The following IMMP2L variants were observed in gnomAD, a reference collection of about 807,000 sequenced individuals.
IMMP2L encodes mitochondrial inner membrane protease subunit 2.
Under a neutral mutation model 19.3 loss-of-function variants are expected in IMMP2L, and 18 were observed. The ratio of observed to expected loss-of-function variants is 0.93; its 90% CI spans 0.64 to 1.38. The LOEUF (loss-of-function observed/expected upper bound fraction) is 1.38. Ranked by LOEUF, IMMP2L falls within the 40% of genes most tolerant of loss-of-function variation. The probability of loss-of-function intolerance (pLI) is 0.00; values close to 1 mark genes in which losing one functional copy is unlikely to be tolerated. For synonymous variants in IMMP2L, 76 were observed against 73.0 expected, an observed-to-expected ratio of 1.04 and a Z score of -0.21; for missense variants, 233 against 218.2, an observed-to-expected ratio of 1.07 and a Z score of -0.43.
intron 3 of IMMP2L, among the ~76,000 whole-genome samples, chr7:111,268,487 TAAAAAAAAAAAA>T (rs927826185): frequency 3.2e-5 from 2 of 62,400 alleles, no homozygotes; most frequent in Non-Finnish European, 6.2e-5. Context: ...GTTTATCTAA[TAAAAAAAAAAAA>T]AAAAAAAAAG....
intron 5 of IMMP2L, among the ~76,000 whole-genome samples, chr7:110,848,742 AT>A (rs1805912269): frequency 6.6e-6 from 1 of 152,144 alleles, no homozygotes; most frequent in South Asian, 2.1e-4. Context: ...GAAACAAACT[AT>A]CAAACTATCA....
At chr7:110,670,700 A>C (rs1287848986) in intron 5 of IMMP2L, among the ~76,000 whole-genome samples, 4 of 151,042 alleles carry the variant, frequency 2.6e-5, no homozygotes, top group East Asian at 3.9e-4. Flanking sequence ...AAAAAAAAAA[A>C]AAAACAAAAA....
At chr7:111,389,000 T>C (rs1345892875) in intron 3 of IMMP2L, among the ~76,000 whole-genome samples, 2 of 152,070 alleles carry the variant, frequency 1.3e-5, no homozygotes, top group African/African-American at 2.4e-5. Context: ...TAAAGAGCAA[T>C]CTTAGACCCA....
chr7:111,123,862 A>T lies in IMMP2L; in HGVS notation c.240-160297T>A. 6.2e-7 allele frequency: 1 copy of T among 1,614,014 alleles called. No individual in the cohort carries two copies. Among genetic ancestry groups the T allele is most frequent in the Non-Finnish European group, 8.5e-7 (1 of 1,179,994 alleles). On this transcript the variant is annotated intron_variant, in intron 3 of 5. Coordinates refer to ENST00000405709, the MANE Select transcript of IMMP2L (RefSeq NM_032549.4). This position sits in a 1 kb window ranked among gnomAD's most constrained non-coding sequence, Gnocchi z 6.4. ...GTCTCTGCCAAACCTCAAGGAAATC[A>T]GCATACACAGTAACCCCATCAGGTG...
chr7:110,696,267 T>A (rs940818), intron 5 of IMMP2L, among the ~76,000 whole-genome samples: 34,707 of 152,000 alleles, frequency 0.23, 4,329 homozygotes, highest in Admixed American at 0.28. Context: ...CATGGAGGTT[T>A]CTAAGTAGTG....
At chr7:110,761,953 C>T (rs192629465) in intron 5 of IMMP2L, among the ~76,000 whole-genome samples, 4 of 152,250 alleles carry the variant, frequency 2.6e-5, no homozygotes, top group African/African-American at 7.2e-5. Flanking sequence ...CTGGTCAACA[C>T]GGGGTCCGTA....
chr7:111,411,090 TA>T (rs536367628), intron 3 of IMMP2L, among the ~76,000 whole-genome samples: 3,670 of 78,828 alleles, frequency 0.047, 194 homozygotes, highest in African/African-American at 0.14. Flanking sequence ...ATCAAATTGC[TA>T]AAAAAAAAAA....
At chr7:110,684,302 G>A (rs900262181) in intron 5 of IMMP2L, among the ~76,000 whole-genome samples, 3 of 151,974 alleles carry the variant, frequency 2.0e-5, no homozygotes, top group Admixed American at 6.6e-5. Context: ...ATTCTTTTTC[G>A]TATGTTGATT....
intron 3 of IMMP2L, among the ~76,000 whole-genome samples, chr7:111,200,348 G>A (rs1204191780): frequency 1.3e-5 from 2 of 151,952 alleles, no homozygotes; most frequent in East Asian, 3.9e-4. Flanking sequence ...TAACTTGTTG[G>A]ATCTTTAATC....
intron 3 of IMMP2L, among the ~76,000 whole-genome samples, chr7:111,066,318 T>C (rs1586051651): frequency 6.6e-6 from 1 of 152,062 alleles, no homozygotes; most frequent in Non-Finnish European, 1.5e-5. Context: ...ACCACATCTG[T>C]ACCAGGAAAA....
chr7:111,466,548 A>C (rs1467556592), intron 3 of IMMP2L, among the ~76,000 whole-genome samples: 1 of 152,190 alleles, frequency 6.6e-6, no homozygotes, highest in East Asian at 1.9e-4. Flanking sequence ...AATGAACAAA[A>C]AGTGATTACT....
At chr7:111,310,514 A>G (rs1823398752) in intron 3 of IMMP2L, among the ~76,000 whole-genome samples, 1 of 152,152 alleles carries the variant, frequency 6.6e-6, no homozygotes, top group Non-Finnish European at 1.5e-5. Context: ...AATCAAATAC[A>G]TATTGCTTTA....
intron 1 of IMMP2L, among the ~76,000 whole-genome samples, chr7:111,541,397 A>G (rs543249140): frequency 1.3e-5 from 2 of 152,322 alleles, no homozygotes; most frequent in African/African-American, 4.8e-5. Flanking sequence ...ATGGGAAAAG[A>G]CACTCATTTA....
At chr7:111,337,975 T>C (rs528682337) in intron 3 of IMMP2L, among the ~76,000 whole-genome samples, 2 of 152,214 alleles carry the variant, frequency 1.3e-5, no homozygotes, top group East Asian at 1.9e-4. Flanking sequence ...CATAATCCAG[T>C]TGGAGAGTTA....
At chr7:111,278,934 G>C (rs1025963734) in intron 3 of IMMP2L, among the ~76,000 whole-genome samples, 9 of 151,822 alleles carry the variant, frequency 5.9e-5, no homozygotes, top group African/African-American at 1.9e-4. Context: ...TAAGTCATCA[G>C]TTCTATGAGA....
chr7:111,392,310 G>A lies in IMMP2L; in HGVS notation c.239+94928C>T, dbSNP rs539518649. ...TGCCCCCACCCACTGGAAATGTACAGAAGCTACAATAAAAAGAATTTCCTG... is the reference window on the plus strand; with the variant it reads ...TGCCCCCACCCACTGGAAATGTACAAAAGCTACAATAAAAAGAATTTCCTG... On this transcript the variant is annotated intron_variant, in intron 3 of 5. Coordinates refer to ENST00000405709, the MANE Select transcript of IMMP2L (RefSeq NM_032549.4). 2.8e-4 allele frequency among the ~76,000 whole-genome samples: 42 copies of A among 152,198 alleles called. 1 individual carries two copies. The South Asian group carries it at 8.7e-3, about 32-fold the overall frequency.
Position 111,046,190 on chromosome 7 carries a change from A to G in IMMP2L, c.240-82625T>C, listed in dbSNP as rs544696684. Among the ~76,000 whole-genome samples the G allele has an allele frequency of 1.1e-4, 17 of 152,286 alleles. No individual in the cohort carries two copies. In the South Asian group the frequency reaches 2.7e-3, roughly 24 times the overall value. ...TTAGAAACACAAGAATAAAATATGTATAGTCATTAAAATTTTAAAAAGAAC... is the reference window on the plus strand; with the variant it reads ...TTAGAAACACAAGAATAAAATATGTGTAGTCATTAAAATTTTAAAAAGAAC... On this transcript the variant is annotated intron_variant, in intron 3 of 5. Coordinates refer to ENST00000405709, the MANE Select transcript of IMMP2L (RefSeq NM_032549.4).
intron 3 of IMMP2L, among the ~76,000 whole-genome samples, chr7:111,447,226 G>T (rs1326370019): frequency 7.3e-5 from 10 of 137,730 alleles, no homozygotes; most frequent in South Asian, 2.3e-4. Flanking sequence ...GATACTCCTC[G>T]AGAAGAGCAA....
intron 3 of IMMP2L, among the ~76,000 whole-genome samples, chr7:111,485,301 AT>A (rs1842536549): frequency 1.3e-5 from 2 of 152,126 alleles, no homozygotes; most frequent in African/African-American, 4.8e-5. Context: ...TAACTGAGTC[AT>A]TAAAAACACA....
Sources: gnomAD v4.1 joint callset for allele counts (sites outside exome capture counted in the v4.1 genomes callset) on GRCh38, gnomAD v4.1.1 for gene constraint, Gnocchi (gnomAD v3.1) non-coding constraint, MANE v1.5 for transcripts, NCBI Gene and HGNC (gene_info 2026-07-23, HGNC 2026-07-21) for gene names.